The following MAP4K4 variants were observed in gnomAD, a reference collection of about 807,000 sequenced individuals.
MAP4K4 encodes HPK/GCK-like kinase HGK.
In MAP4K4, 38 loss-of-function variants were observed where a neutral mutation model predicts 189.6. The observed-to-expected ratio is 0.20, with a 90% confidence interval of 0.15 to 0.26. The LOEUF is 0.26. Among genes scored for constraint, MAP4K4 ranks in the 10% least tolerant of loss-of-function variants. The pLI is 1.00. For missense variants in MAP4K4, 1,054 were observed against 1,726.9 expected (o/e 0.61, Z 6.91); for synonymous variants, 610 against 624.3 (o/e 0.98, Z 0.34).
intron 24 of MAP4K4, among the ~76,000 whole-genome samples, chr2:101,872,683 A>G (rs1350326659): frequency 6.6e-6 from 1 of 152,058 alleles, no homozygotes; most frequent in Non-Finnish European, 1.5e-5. Context: ...ACAGGGAGGG[A>G]AGCTGCCAGG....
intron 24 of MAP4K4, 29 bp downstream of exon 24, chr2:101,871,714 T>G: frequency 6.5e-7 from 1 of 1,531,028 alleles, no homozygotes; most frequent in Non-Finnish European, 8.7e-7. Context: ...CTGGCTGCTT[T>G]CCTGGGGTTA....
intron 2 of MAP4K4, among the ~76,000 whole-genome samples, chr2:101,708,593 T>C (rs563126311): frequency 6.7e-6 from 1 of 149,154 alleles, no homozygotes; most frequent in South Asian, 2.1e-4. Context: ...TTCAGCAGTA[T>C]TTTTTTTTTA....
chr2:101,781,478 G>A (rs1306541327), intron 2 of MAP4K4, among the ~76,000 whole-genome samples: 1 of 152,276 alleles, frequency 6.6e-6, no homozygotes, highest in Admixed American at 6.5e-5. Context: ...CGAGGGGCTG[G>A]CATCTGATGT....
chr2:101,864,078 C>G, intron 17 of MAP4K4, 27 bp downstream of exon 17: 1 of 1,215,750 alleles, frequency 8.2e-7, no homozygotes, highest in Non-Finnish European at 1.1e-6. Flanking sequence ...CAGATGTGTG[C>G]TGCTTTTTTC....
chr2:101,741,169 T>C (rs2062604807), intron 2 of MAP4K4, among the ~76,000 whole-genome samples: 1 of 147,650 alleles, frequency 6.8e-6, no homozygotes, highest in Non-Finnish European at 1.5e-5. Context: ...TAGGTATTTT[T>C]TTTTTTTTTT....
chr2:101,748,121 G>A (rs2066601599), intron 2 of MAP4K4, among the ~76,000 whole-genome samples: 1 of 152,186 alleles, frequency 6.6e-6, no homozygotes, highest in Non-Finnish European at 1.5e-5. Context: ...GTGTAAAACA[G>A]CATGTTAGTA....
intron 3 of MAP4K4, among the ~76,000 whole-genome samples, chr2:101,791,771 A>G (rs1334259944): frequency 6.6e-6 from 1 of 152,204 alleles, no homozygotes; most frequent in East Asian, 1.9e-4. Flanking sequence ...GGTATTTGTC[A>G]GTAAGAATTG....
At chr2:101,797,355 T>C (rs1355111555) in intron 3 of MAP4K4, 2 of 1,290,834 alleles carry the variant, frequency 1.5e-6, no homozygotes, top group Admixed American at 2.3e-5. Flanking sequence ...TCTGGCAGAC[T>C]TACCACAGGA....
At chr2:101,823,395 T>C (rs955712369) in intron 3 of MAP4K4, among the ~76,000 whole-genome samples, 2 of 152,180 alleles carry the variant, frequency 1.3e-5, no homozygotes, top group African/African-American at 2.4e-5. Flanking sequence ...GAGCACACCG[T>C]CACAGACTAC....
chr2:101,844,746 G>GT (rs894405408), intron 12 of MAP4K4, among the ~76,000 whole-genome samples: 241 of 148,016 alleles, frequency 1.6e-3, no homozygotes, highest in Middle Eastern at 3.5e-3. Flanking sequence ...TCACATGAAA[G>GT]TTTTTTTTTT....
At chr2:101,824,011 T>C in exon 4 of MAP4K4, 1 of 1,609,976 alleles carries the variant, frequency 6.2e-7, no homozygotes, top group Non-Finnish European at 8.5e-7. Flanking sequence ...ATTATGGTGC[T>C]TTCATCAAAA....
intron 2 of MAP4K4, among the ~76,000 whole-genome samples, chr2:101,713,013 C>T (rs1319641732): frequency 6.7e-6 from 1 of 150,246 alleles, no homozygotes; most frequent in Non-Finnish European, 1.5e-5. Context: ...AGGCAGTTCT[C>T]GTGCCTCAGC....
intron 3 of MAP4K4, among the ~76,000 whole-genome samples, chr2:101,796,606 T>C (rs1575693253): frequency 6.6e-6 from 1 of 152,216 alleles, no homozygotes; most frequent in African/African-American, 2.4e-5. Context: ...GATCTGAACT[T>C]TAAAGGATAG....
intron 2 of MAP4K4, among the ~76,000 whole-genome samples, chr2:101,776,005 T>C (rs1558864831): frequency 6.6e-6 from 1 of 152,238 alleles, no homozygotes; most frequent in Non-Finnish European, 1.5e-5. Context: ...TGCCTTATGC[T>C]TAACGTGGTG....
At chr2:101,892,450 G>A (rs966621171) in exon 33 of MAP4K4, 8 of 164,716 alleles carry the variant, frequency 4.9e-5, no homozygotes, top group African/African-American at 1.7e-4. Flanking sequence ...ACCATTAGAG[G>A]TTGATGGGGC....
chr2:101,831,054 G>A (rs1236033964), intron 6 of MAP4K4, among the ~76,000 whole-genome samples: 1 of 152,194 alleles, frequency 6.6e-6, no homozygotes, highest in African/African-American at 2.4e-5. Context: ...CGTAGTGATA[G>A]TGTTGGCAGG....
intron 16 of MAP4K4, 60 bp from the exon 17 acceptor site, chr2:101,863,760 AC>A (rs1270437185): frequency 1.7e-6 from 2 of 1,180,474 alleles, no homozygotes; most frequent in East Asian, 9.5e-5. Context: ...TTTGGTATTG[AC>A]CAGAAAAGCC....
At chr2:101,728,477 G>A (rs1438050467) in intron 2 of MAP4K4, among the ~76,000 whole-genome samples, 1 of 152,178 alleles carries the variant, frequency 6.6e-6, no homozygotes, top group East Asian at 1.9e-4. Flanking sequence ...GTTGAGAGGT[G>A]TAAAATGAAT....
At chr2:101,860,570 T>C in intron 15 of MAP4K4, 1 of 387,032 alleles carries the variant, frequency 2.6e-6, no homozygotes, top group Non-Finnish European at 4.6e-6. Context: ...TCATATACAG[T>C]CTTAGAATTC....
Sources: gnomAD v4.1 joint callset for allele counts (sites outside exome capture counted in the v4.1 genomes callset) on GRCh38, gnomAD v4.1.1 for gene constraint, MANE v1.5 for transcripts, NCBI Gene and HGNC (gene_info 2026-07-23, HGNC 2026-07-21) for gene names.